Variants in LRRC37A2 observed in about 807,000 individuals in gnomAD.
LRRC37A2 encodes leucine rich repeat containing 37 member A2.
A neutral mutation model predicts 68.8 loss-of-function variants in LRRC37A2; 9 were observed. That is an observed-to-expected ratio of 0.13 (90% CI 0.08 to 0.23). The LOEUF (loss-of-function observed/expected upper bound fraction) is 0.23, where lower values mean the gene tolerates loss of function less well. Among genes scored for constraint, LRRC37A2 ranks in the 10% least tolerant of loss-of-function variants. The probability of loss-of-function intolerance (pLI) is 1.00; values close to 1 mark genes in which losing one functional copy is unlikely to be tolerated. For missense variants in LRRC37A2, 168 were observed against 950.4 expected, an observed-to-expected ratio of 0.18 and a Z score of 10.82; for synonymous variants, 63 against 367.6, an observed-to-expected ratio of 0.17 and a Z score of 9.48.
the LRRC37A2 span, among the ~76,000 whole-genome samples, chr17:46,850,418 T>C: frequency 6.6e-6 from 1 of 152,202 alleles, no homozygotes; most frequent in Non-Finnish European, 1.5e-5. Context: ...TAATGCCACC[T>C]AACACGGTAG....
the LRRC37A2 span, among the ~76,000 whole-genome samples, chr17:46,861,106 C>T: frequency 4.6e-5 from 7 of 152,236 alleles, no homozygotes. Flanking sequence ...CATATGTTGG[C>T]AGTGGAACCC....
At chr17:46,858,677 A>C in the LRRC37A2 span, among the ~76,000 whole-genome samples, 1 of 152,062 alleles carries the variant, frequency 6.6e-6, no homozygotes, top group Non-Finnish European at 1.5e-5. Flanking sequence ...TTCCTCCAGA[A>C]CCATGTAGGA....
At chr17:46,917,223 G>C in the LRRC37A2 span, 1 of 152,114 alleles carries the variant, frequency 6.6e-6, no homozygotes, top group South Asian at 2.1e-4. Flanking sequence ...TCAGATATAG[G>C]TGAGACTCAA....
At chr17:46,543,508 T>C (rs578089112) in intron 8 of LRRC37A2, among the ~76,000 whole-genome samples, 1 of 151,050 alleles carries the variant, frequency 6.6e-6, no homozygotes, top group South Asian at 2.1e-4. Context: ...GACCGCATAG[T>C]AGACAATGAT....
the LRRC37A2 span, chr17:47,028,411 A>T: frequency 7.9e-6 from 9 of 1,143,250 alleles, no homozygotes. Context: ...ATCTACAAAA[A>T]CTCATACAAT....
the LRRC37A2 span, among the ~76,000 whole-genome samples, chr17:46,751,132 C>G: frequency 2.0e-5 from 3 of 152,126 alleles, no homozygotes; most frequent in Non-Finnish European, 4.4e-5. Flanking sequence ...ATGTAGACAG[C>G]TTTTGTGCAG....
the LRRC37A2 span, among the ~76,000 whole-genome samples, chr17:46,999,998 C>CAAAATAAAATAAAT: frequency 2.7e-4 from 13 of 48,418 alleles, no homozygotes; most frequent in African/African-American, 8.8e-4. Flanking sequence ...GACTCCATCT[C>CAAAATAAAATAAAT]AAAATAAAAT....
At chr17:46,924,934 A>T in the LRRC37A2 span, among the ~76,000 whole-genome samples, 1 of 152,226 alleles carries the variant, frequency 6.6e-6, no homozygotes, top group Admixed American at 6.5e-5. Context: ...CAAGAAGGCC[A>T]TGACCCATTT....
At chr17:46,850,335 C>T in the LRRC37A2 span, among the ~76,000 whole-genome samples, 1 of 152,186 alleles carries the variant, frequency 6.6e-6, no homozygotes, top group Non-Finnish European at 1.5e-5. Context: ...ATCATCAGAT[C>T]ATGTAATCAC....
chr17:46,828,055 C>T, the LRRC37A2 span, among the ~76,000 whole-genome samples: 2 of 151,916 alleles, frequency 1.3e-5, no homozygotes, highest in South Asian at 2.1e-4. Context: ...CATGATCCGC[C>T]GACCTCATGA....
chr17:46,855,307 G>T, the LRRC37A2 span, among the ~76,000 whole-genome samples: 1 of 152,190 alleles, frequency 6.6e-6, no homozygotes, highest in Non-Finnish European at 1.5e-5. Context: ...GGATAAGGCC[G>T]CACATTCTTT....
chr17:46,699,402 GACACACACAC>G, the LRRC37A2 span, among the ~76,000 whole-genome samples: 5 of 148,320 alleles, frequency 3.4e-5, no homozygotes, highest in Admixed American at 2.0e-4. Context: ...ATAAACTGAG[GACACACACAC>G]ACACACACAC....
the LRRC37A2 span, chr17:46,939,544 G>A: frequency 3.0e-6 from 3 of 985,532 alleles, no homozygotes; most frequent in Non-Finnish European, 3.6e-6. Flanking sequence ...GGCTTTGTGG[G>A]CCTTTGCCCC....
the LRRC37A2 span, among the ~76,000 whole-genome samples, chr17:46,746,336 T>C: frequency 6.6e-6 from 1 of 152,218 alleles, no homozygotes; most frequent in Admixed American, 6.5e-5. Flanking sequence ...GTTTCTTTGA[T>C]CTGCATTGGT....
the LRRC37A2 span, among the ~76,000 whole-genome samples, chr17:46,503,068 C>G: frequency 6.6e-6 from 1 of 150,622 alleles, no homozygotes; most frequent in Non-Finnish European, 1.5e-5. Context: ...GAAAATTAGC[C>G]GGCAGTGGTG....
At chr17:46,912,635 C>A in the LRRC37A2 span, among the ~76,000 whole-genome samples, 1 of 152,290 alleles carries the variant, frequency 6.6e-6, no homozygotes, top group African/African-American at 2.4e-5. Flanking sequence ...CTGGAGGGGG[C>A]CACAGATGCT....
chr17:46,588,671 C>G, the LRRC37A2 span, among the ~76,000 whole-genome samples: 4 of 72,432 alleles, frequency 5.5e-5, no homozygotes, highest in Non-Finnish European at 7.8e-5. Context: ...CTCTTTGATT[C>G]TAGGTTCAAA....
At chr17:46,865,101 C>G in the LRRC37A2 span, among the ~76,000 whole-genome samples, 2 of 152,178 alleles carry the variant, frequency 1.3e-5, no homozygotes, top group Non-Finnish European at 2.9e-5. Context: ...TGCATACGTG[C>G]CAGGGACAAA....
chr17:47,026,875 C>A, the LRRC37A2 span, among the ~76,000 whole-genome samples: 29,600 of 151,940 alleles, frequency 0.19, 3,637 homozygotes, highest in East Asian at 0.56. Context: ...GGAAAACAGA[C>A]CTAAACTAAG....
Sources: allele counts gnomAD v4.1 joint callset (sites outside exome capture counted in the v4.1 genomes callset), GRCh38; gene constraint gnomAD v4.1.1; transcripts MANE v1.5; gene names NCBI Gene and HGNC (gene_info 2026-07-23, HGNC 2026-07-21).